CCDC50: variants seen among roughly 807,000 people sequenced by gnomAD.
The protein encoded by CCDC50 is coiled-coil domain containing 50, also known as coiled-coil domain-containing protein 50.
CCDC50 carries 54 observed loss-of-function variants against 70.2 expected under a neutral mutation model. That is an observed-to-expected ratio of 0.77 (90% CI 0.62 to 0.96). The LOEUF (loss-of-function observed/expected upper bound fraction) is 0.96. CCDC50 is among the 50% of genes least tolerant of loss of function. The pLI is 0.00. For missense variants in CCDC50, 558 were observed against 578.7 expected, an observed-to-expected ratio of 0.96 and a Z score of 0.37; for synonymous variants, 216 against 198.8, an observed-to-expected ratio of 1.09 and a Z score of -0.73.
At chr3:191,376,895 C>T (rs1165089286) in intron 6 of CCDC50, among the ~76,000 whole-genome samples, 1 of 152,156 alleles carries the variant, frequency 6.6e-6, no homozygotes, top group African/African-American at 2.4e-5. Context: ...ATGATGTACA[C>T]TGACCTCTAC....
At chr3:191,346,488 C>T (rs1177419325) in intron 1 of CCDC50, among the ~76,000 whole-genome samples, 1 of 152,100 alleles carries the variant, frequency 6.6e-6, no homozygotes, top group African/African-American at 2.4e-5. Flanking sequence ...AAGATCAGCC[C>T]TAGACTCTGC....
chr3:191,346,066 CTCT>C (rs1323707150), intron 1 of CCDC50, among the ~76,000 whole-genome samples: 3 of 152,132 alleles, frequency 2.0e-5, no homozygotes, highest in African/African-American at 4.8e-5. Context: ...TTTCATATTT[CTCT>C]TCTTACATTG....
rs1165898468 is a variant in CCDC50 at position 191,398,188 on chromosome 3, T to A, written c.*6428T>A. ...AGGCACTCCCAAAACGCAAACCTCC[T>A]TTTTTAAATGCCAATTGTACATCTA... is the stretch of plus-strand genomic sequence containing the variant. On this transcript the variant is annotated 3_prime_UTR_variant, in exon 12 of 12. Coordinates refer to ENST00000392455, the MANE Select transcript of CCDC50 (RefSeq NM_178335.3). 1 of 152,212 alleles carries A rather than the reference T, an allele frequency of 6.6e-6. No homozygotes were observed. The highest frequency in any genetic ancestry group is 1.5e-5 in the Non-Finnish European group (1 of 68,038). 9.4% of individuals were successfully genotyped at this position (152,212 alleles called of 1,614,324 possible).
chr3:191,382,900 G>A, intron 10 of CCDC50, 75 bp downstream of exon 10: 1 of 1,097,320 alleles, frequency 9.1e-7, no homozygotes, highest in Non-Finnish European at 1.4e-6. Context: ...TCCCTAAGAA[G>A]AGTGTATGTT....
chr3:191,351,020 A>AG (rs1326258287), intron 1 of CCDC50, among the ~76,000 whole-genome samples: 1 of 139,936 alleles, frequency 7.1e-6, no homozygotes, highest in Non-Finnish European at 1.6e-5. Flanking sequence ...AGGGGTTGGG[A>AG]GGGGGCACTT....
chr3:191,353,761 T>A (rs1189365314), intron 1 of CCDC50, among the ~76,000 whole-genome samples: 1 of 133,988 alleles, frequency 7.5e-6, no homozygotes, highest in Admixed American at 7.7e-5. Context: ...AGATTATATG[T>A]TTGGAAACTC....
At chr3:191,374,579 CAA>C (rs1467001192) in intron 5 of CCDC50, among the ~76,000 whole-genome samples, 1 of 152,112 alleles carries the variant, frequency 6.6e-6, no homozygotes, top group East Asian at 1.9e-4. Flanking sequence ...CCTCTGAACT[CAA>C]GAGAAACTAG....
chr3:191,379,395 A>G (rs1713229134), intron 6 of CCDC50, among the ~76,000 whole-genome samples: 1 of 152,148 alleles, frequency 6.6e-6, no homozygotes, highest in Non-Finnish European at 1.5e-5. Context: ...CAGATAAGTA[A>G]TCTTGTTCAC....
chr3:191,362,829 A>G (rs1161729339), intron 4 of CCDC50, among the ~76,000 whole-genome samples: 1 of 152,222 alleles, frequency 6.6e-6, no homozygotes, highest in Non-Finnish European at 1.5e-5. Flanking sequence ...CAAGAAACAA[A>G]TCATGATCAT....
chr3:191,365,786 T>G lies in CCDC50; in HGVS notation c.331-4133T>G, dbSNP rs376032372. Among the ~76,000 whole-genome samples the G allele has an allele frequency of 1.4e-4, 21 of 152,288 alleles. No individual in the cohort carries two copies. In the East Asian group the frequency reaches 3.9e-3, roughly 28 times the overall value. ...CCATTGGAGGATAGAGGTGAAACGC[T>G]GAGAAGTAACTCTCTATCCCTTATA... On this transcript the variant is annotated intron_variant, in intron 4 of 11. Coordinates refer to ENST00000392455, the MANE Select transcript of CCDC50 (RefSeq NM_178335.3).
At chr3:191,379,748 T>A (rs556340769) in intron 6 of CCDC50, among the ~76,000 whole-genome samples, 1 of 152,116 alleles carries the variant, frequency 6.6e-6, no homozygotes, top group African/African-American at 2.4e-5. Context: ...AAGAAGCCTC[T>A]ACTCTCCTCC....
intron 4 of CCDC50, among the ~76,000 whole-genome samples, chr3:191,365,059 A>G (rs1219559278): frequency 6.6e-6 from 1 of 150,470 alleles, no homozygotes; most frequent in Admixed American, 6.7e-5. Context: ...AAACTCTAAA[A>G]GTGTGTGTGT....
rs1390991780 is a variant in CCDC50 at position 191,395,550 on chromosome 3, A to T, written c.*3790A>T. On this transcript the variant is annotated 3_prime_UTR_variant, in exon 12 of 12. Coordinates refer to ENST00000392455, the MANE Select transcript of CCDC50 (RefSeq NM_178335.3). ...AGATAACTATGATGATTGGCTGTAA[A>T]ATCTTCACCCTAATAAAGGAGTGAG... The T allele has an allele frequency of 6.6e-6, 1 of 152,170 alleles. No homozygotes were observed. Among genetic ancestry groups the T allele is most frequent in the Non-Finnish European group, 1.5e-5 (1 of 68,008 alleles). 9.4% of individuals were successfully genotyped at this position (152,170 alleles called of 1,614,324 possible).
chr3:191,354,916 G>A (rs79977047), intron 1 of CCDC50, among the ~76,000 whole-genome samples: 1,771 of 151,970 alleles, frequency 0.012, 36 homozygotes, highest in African/African-American at 0.041. Flanking sequence ...ACCTAATACC[G>A]TTCATTTAGG....
chr3:191,378,083 G>A (rs1275256680), intron 6 of CCDC50, among the ~76,000 whole-genome samples: 1 of 152,002 alleles, frequency 6.6e-6, no homozygotes, highest in African/African-American at 2.4e-5. Context: ...GCAGAGAATG[G>A]GCATCCTGAC....
In CCDC50 at chr3:191,396,505, C is replaced by T. The variant is rs767947739; in HGVS notation, c.*4745C>T. 3.9e-5 allele frequency: 6 copies of T among 152,192 alleles called. No homozygotes were observed. Among genetic ancestry groups the T allele is most frequent in the Non-Finnish European group, 5.9e-5 (4 of 68,022 alleles). The allele number at this position is 152,192 out of a possible 1,614,324, so 9.4% of individuals were successfully genotyped here. A position where few individuals can be genotyped will look rare whatever the true frequency, so the allele number is the denominator to read the frequency against. ...GCCAAATCCTTCATACCAGGTACCA[C>T]TTCTTGAGTAACTGAGAGTTGACTG... On this transcript the variant is annotated 3_prime_UTR_variant, in exon 12 of 12. Transcript: ENST00000392455.
chr3:191,368,006 G>A (rs927519486), intron 4 of CCDC50, among the ~76,000 whole-genome samples: 20 of 151,974 alleles, frequency 1.3e-4, no homozygotes, highest in African/African-American at 3.9e-4. Flanking sequence ...GCACCTGGTA[G>A]ACACATTTGT....
chr3:191,387,276 TAAA>T (rs1017813759), intron 10 of CCDC50, among the ~76,000 whole-genome samples: 16 of 152,176 alleles, frequency 1.1e-4, no homozygotes, highest in African/African-American at 3.4e-4. Context: ...GAGGGTTTCT[TAAA>T]GAAGTGAATT....
At chr3:191,356,829 T>G (rs925972886) in intron 1 of CCDC50, among the ~76,000 whole-genome samples, 3 of 152,180 alleles carry the variant, frequency 2.0e-5, no homozygotes, top group Admixed American at 6.5e-5. Flanking sequence ...CTGTAAATGT[T>G]CTCACCTCAG....
Sources: allele counts gnomAD v4.1 joint callset (sites outside exome capture counted in the v4.1 genomes callset), GRCh38; gene constraint gnomAD v4.1.1; transcripts MANE v1.5; gene names NCBI Gene and HGNC (gene_info 2026-07-23, HGNC 2026-07-21).